The following CDH13 variants were observed in gnomAD, a reference collection of about 807,000 sequenced individuals.
CDH13 encodes the protein cadherin 13.
Under a neutral mutation model 63.8 loss-of-function variants are expected in CDH13, and 24 were observed. The observed-to-expected ratio is 0.38, with a 90% CI of 0.27 to 0.53. CDH13 has a LOEUF of 0.53. Ranked by LOEUF, CDH13 falls within the 20% of genes least tolerant of loss-of-function variation. CDH13 has a pLI of 0.85. For synonymous variants in CDH13, 503 were observed against 355.3 expected, an observed-to-expected ratio of 1.42 and a Z score of -4.67; for missense variants, 1,049 against 903.1, an observed-to-expected ratio of 1.16 and a Z score of -2.07.
intron 5 of CDH13, among the ~76,000 whole-genome samples, chr16:83,288,956 C>G (rs2089396461): frequency 6.6e-6 from 1 of 152,186 alleles, no homozygotes; most frequent in African/African-American, 2.4e-5. Context: ...GGAGAAAAAT[C>G]AAGTTACCTG....
At chr16:83,024,542 G>C (rs980987582) in intron 2 of CDH13, among the ~76,000 whole-genome samples, 1 of 152,098 alleles carries the variant, frequency 6.6e-6, no homozygotes, top group Non-Finnish European at 1.5e-5. Flanking sequence ...ATTTGACCTC[G>C]GTTCATATAA....
intron 11 of CDH13, among the ~76,000 whole-genome samples, chr16:83,761,429 G>A (rs1183501900): frequency 2.0e-5 from 3 of 152,150 alleles, no homozygotes; most frequent in Admixed American, 2.0e-4. Flanking sequence ...TGGTGAATTG[G>A]GCAACCTCTC....
At chr16:82,997,665 G>A (rs74660168) in intron 2 of CDH13, among the ~76,000 whole-genome samples, 555 of 152,094 alleles carry the variant, frequency 3.6e-3, no homozygotes, top group Non-Finnish European at 5.9e-3. Context: ...GAAAATACTG[G>A]GCACAAGAGA....
At chr16:83,322,398 A>G (rs770746523) in intron 5 of CDH13, among the ~76,000 whole-genome samples, 29 of 152,236 alleles carry the variant, frequency 1.9e-4, no homozygotes, top group Non-Finnish European at 3.2e-4. Context: ...TTATTTCTCC[A>G]AAACTAAAAC....
chr16:83,767,032 T>A (rs1213129214), intron 11 of CDH13, among the ~76,000 whole-genome samples: 1 of 152,092 alleles, frequency 6.6e-6, no homozygotes, highest in Non-Finnish European at 1.5e-5. Flanking sequence ...CCTTATAAAT[T>A]ACCCAGTCTC....
At chr16:82,855,897 A>G (rs2039663829) in intron 1 of CDH13, among the ~76,000 whole-genome samples, 1 of 152,176 alleles carries the variant, frequency 6.6e-6, no homozygotes, top group Non-Finnish European at 1.5e-5. Flanking sequence ...CTGGTTCCAC[A>G]GCTTCCAACC....
At chr16:82,946,720 C>CA (rs55633638) in intron 2 of CDH13, among the ~76,000 whole-genome samples, 7 of 148,884 alleles carry the variant, frequency 4.7e-5, no homozygotes, top group Admixed American at 6.7e-5. Flanking sequence ...AACTCTGTCT[C>CA]AAAAAAAAGA....
intron 8 of CDH13, among the ~76,000 whole-genome samples, chr16:83,662,573 G>A (rs528749053): frequency 6.6e-6 from 1 of 152,332 alleles, no homozygotes; most frequent in South Asian, 2.1e-4. Context: ...ACCAGGAGCA[G>A]GGAGTTGAGG....
intron 4 of CDH13, among the ~76,000 whole-genome samples, chr16:83,143,612 G>T (rs1286357465): frequency 2.6e-5 from 4 of 152,148 alleles, no homozygotes; most frequent in Non-Finnish European, 5.9e-5. Context: ...TTTATCAATG[G>T]AGAGGTGGCA....
chr16:82,863,318 C>G (rs1271842446), intron 2 of CDH13, among the ~76,000 whole-genome samples: 1 of 152,182 alleles, frequency 6.6e-6, no homozygotes, highest in Admixed American at 6.5e-5. Flanking sequence ...ACAGAATTAG[C>G]TTCTTAGAAA....
At chr16:83,202,120 G>A (rs1012945401) in intron 4 of CDH13, among the ~76,000 whole-genome samples, 1 of 152,138 alleles carries the variant, frequency 6.6e-6, no homozygotes, top group Admixed American at 6.5e-5. Context: ...CGACTTTCAA[G>A]CTGGTAAGAC....
intron 10 of CDH13, among the ~76,000 whole-genome samples, chr16:83,724,965 G>C (rs382419): frequency 0.83 from 126,877 of 152,174 alleles, 53,846 homozygotes; most frequent in Non-Finnish European, 0.91. Flanking sequence ...TGCAAATTAA[G>C]CCCTGATTCA....
chr16:83,202,370 T>C (rs1244191959), intron 4 of CDH13, among the ~76,000 whole-genome samples: 1 of 152,120 alleles, frequency 6.6e-6, no homozygotes, highest in African/African-American at 2.4e-5. Context: ...ATAAAGAGCC[T>C]TGCTTTCCTG....
chr16:82,654,334 A>G (rs1911061038), intron 1 of CDH13, among the ~76,000 whole-genome samples: 1 of 152,168 alleles, frequency 6.6e-6, no homozygotes, highest in African/African-American at 2.4e-5. Context: ...GCTTTAGGGC[A>G]TCCCCAAATC....
chr16:82,732,819 A>C (rs559629411), intron 1 of CDH13, among the ~76,000 whole-genome samples: 1 of 151,802 alleles, frequency 6.6e-6, no homozygotes, highest in African/African-American at 2.4e-5. Context: ...TGGTTTCATC[A>C]AGAGTTTGTG....
intron 7 of CDH13, among the ~76,000 whole-genome samples, chr16:83,532,018 T>C (rs1386286261): frequency 1.3e-5 from 2 of 152,120 alleles, no homozygotes; most frequent in Non-Finnish European, 2.9e-5. Flanking sequence ...TGGGGGCAGG[T>C]CTTTCCTGTG....
chr16:83,276,764 G>C (rs890640708), intron 5 of CDH13, among the ~76,000 whole-genome samples: 1 of 152,120 alleles, frequency 6.6e-6, no homozygotes, highest in African/African-American at 2.4e-5. Context: ...ACAGCTACTC[G>C]GGAGGCTGAG....
At chr16:83,220,504 A>G (rs1159737823) in intron 5 of CDH13, among the ~76,000 whole-genome samples, 2 of 152,276 alleles carry the variant, frequency 1.3e-5, no homozygotes, top group African/African-American at 4.8e-5. Flanking sequence ...TGCAAGTTTA[A>G]AAAGGAGAGA....
chr16:83,463,522 C>T (rs1373710212), intron 6 of CDH13, among the ~76,000 whole-genome samples: 5 of 152,270 alleles, frequency 3.3e-5, no homozygotes, highest in South Asian at 4.1e-4. Context: ...GCATGCAGGC[C>T]AGGTGCAATG....
Sources: allele counts gnomAD v4.1 joint callset (sites outside exome capture counted in the v4.1 genomes callset), GRCh38; gene constraint gnomAD v4.1.1; transcripts MANE v1.5; gene names NCBI Gene and HGNC (gene_info 2026-07-23, HGNC 2026-07-21).